CDH8: variants seen among roughly 807,000 people sequenced by gnomAD.
CDH8 encodes the protein cadherin-8.
Under a neutral mutation model 68.1 loss-of-function variants are expected in CDH8, and 17 were observed. The ratio of observed to expected loss-of-function variants is 0.25; its 90% CI spans 0.17 to 0.37. CDH8 has a LOEUF of 0.37. Ranked by LOEUF, CDH8 falls within the 10% of genes least tolerant of loss-of-function variation. The probability of loss-of-function intolerance (pLI) is 1.00; values close to 1 mark genes in which losing one functional copy is unlikely to be tolerated. For missense variants in CDH8, 763 were observed against 999.3 expected (o/e 0.76, Z 3.19); for synonymous variants, 372 against 365.1 (o/e 1.02, Z -0.21).
At chr16:61,845,520 A>C (rs887568667) in intron 4 of CDH8, among the ~76,000 whole-genome samples, 2 of 151,692 alleles carry the variant, frequency 1.3e-5, no homozygotes, top group South Asian at 2.1e-4. Flanking sequence ...AAAAAAAAAA[A>C]AACTATCTAA....
At chr16:61,762,171 C>A (rs1304376760) in intron 8 of CDH8, among the ~76,000 whole-genome samples, 1 of 152,114 alleles carries the variant, frequency 6.6e-6, no homozygotes, top group Non-Finnish European at 1.5e-5. Flanking sequence ...CATAAACTTA[C>A]ACATGTGGTA....
chr16:61,873,384 C>G (rs898146317), intron 3 of CDH8, among the ~76,000 whole-genome samples: 7 of 152,144 alleles, frequency 4.6e-5, no homozygotes, highest in African/African-American at 1.4e-4. Flanking sequence ...ACTTATGAAG[C>G]AGCACACCAT....
intron 2 of CDH8, among the ~76,000 whole-genome samples, chr16:61,996,141 C>T (rs1004071951): frequency 3.9e-5 from 6 of 152,212 alleles, no homozygotes; most frequent in Non-Finnish European, 8.8e-5. Flanking sequence ...ACTAGTGCCT[C>T]TTCTATTTCG....
intron 7 of CDH8, among the ~76,000 whole-genome samples, chr16:61,792,230 G>A (rs1211583057): frequency 6.6e-6 from 1 of 151,898 alleles, no homozygotes; most frequent in East Asian, 1.9e-4. Context: ...TGAGTCATAG[G>A]AATTTATAAA....
chr16:61,893,136 G>C (rs1338255552), intron 3 of CDH8, among the ~76,000 whole-genome samples: 1 of 152,034 alleles, frequency 6.6e-6, no homozygotes, highest in African/African-American at 2.4e-5. Flanking sequence ...GCTATGTGTG[G>C]CTCCTGGTTC....
chr16:61,810,946 C>A, intron 7 of CDH8, among the ~76,000 whole-genome samples: 1 of 150,728 alleles, frequency 6.6e-6, no homozygotes, highest in Admixed American at 6.6e-5. Flanking sequence ...ATTGCTTGAA[C>A]CCAAGAGGCT....
At chr16:61,909,972 AAAC>A (rs1964132309) in intron 2 of CDH8, among the ~76,000 whole-genome samples, 1 of 152,196 alleles carries the variant, frequency 6.6e-6, no homozygotes, top group African/African-American at 2.4e-5. Context: ...ACGGGTTTGG[AAAC>A]AACATGTGTC....
chr16:61,836,953 G>A (rs998673816), intron 4 of CDH8, among the ~76,000 whole-genome samples: 1 of 151,892 alleles, frequency 6.6e-6, no homozygotes, highest in Non-Finnish European at 1.5e-5. Flanking sequence ...ACTAACCCTG[G>A]ATAATCTTCT....
intron 2 of CDH8, among the ~76,000 whole-genome samples, chr16:61,990,667 T>C (rs1051768037): frequency 2.6e-5 from 4 of 151,968 alleles, no homozygotes; most frequent in Admixed American, 6.6e-5. Context: ...TTTTTAAAAA[T>C]TAAATAATTT....
intron 3 of CDH8, among the ~76,000 whole-genome samples, chr16:61,880,689 C>T (rs1426651194): frequency 6.6e-6 from 1 of 152,142 alleles, no homozygotes; most frequent in African/African-American, 2.4e-5. Flanking sequence ...GATGGAGATG[C>T]CATGTTCAAA....
intron 2 of CDH8, among the ~76,000 whole-genome samples, chr16:61,937,746 CA>C (rs1175945210): frequency 6.6e-6 from 1 of 152,136 alleles, no homozygotes; most frequent in African/African-American, 2.4e-5. Context: ...GTATAAACTT[CA>C]ATGTCTATGA....
intron 2 of CDH8, among the ~76,000 whole-genome samples, chr16:62,015,537 G>A (rs763139658): frequency 2.4e-4 from 37 of 152,076 alleles, no homozygotes; most frequent in Non-Finnish European, 3.1e-4. Flanking sequence ...CTTTGTAGTA[G>A]AATTAAAAGA....
intron 3 of CDH8, among the ~76,000 whole-genome samples, chr16:61,891,398 C>T (rs1963775000): frequency 6.6e-6 from 1 of 152,118 alleles, no homozygotes; most frequent in Non-Finnish European, 1.5e-5. Context: ...GTAGAAATAA[C>T]TCAATGCCTC....
At chr16:61,828,374 T>C (rs1962387786) in intron 4 of CDH8, among the ~76,000 whole-genome samples, 1 of 151,930 alleles carries the variant, frequency 6.6e-6, no homozygotes, top group African/African-American at 2.4e-5. Flanking sequence ...TTTATTCCTT[T>C]ACTTTCTTAA....
At chr16:61,966,599 G>C (rs1337717316) in intron 2 of CDH8, among the ~76,000 whole-genome samples, 1 of 152,016 alleles carries the variant, frequency 6.6e-6, no homozygotes, top group Non-Finnish European at 1.5e-5. Context: ...AACACACACA[G>C]AGTAGTTCCC....
At chr16:61,934,794 A>G (rs1398366617) in intron 2 of CDH8, among the ~76,000 whole-genome samples, 1 of 152,130 alleles carries the variant, frequency 6.6e-6, no homozygotes, top group East Asian at 1.9e-4. Flanking sequence ...TTCCATGACC[A>G]CAAGCACTAA....
In CDH8 at chr16:61,652,923, G is replaced by A; in HGVS notation, c.*685C>T. On this transcript the variant is annotated 3_prime_UTR_variant, in exon 12 of 12. Coordinates refer to ENST00000577390, the MANE Select transcript of CDH8 (RefSeq NM_001796.5). The stretch of plus-strand genomic sequence containing the variant: ...TCTAGAAAACAAGCATGTTTGAATG[G>A]GATTTCTCTCCTCCCACCACTGAAT... 3 of 1,526,334 alleles carry A rather than the reference G, an allele frequency of 2.0e-6. No homozygotes were observed. Among genetic ancestry groups the A allele is most frequent in the Admixed American group, 2.0e-5 (1 of 49,796 alleles). 94.5% of individuals were successfully genotyped at this position (1,526,334 alleles called of 1,614,324 possible). A position where few individuals can be genotyped will look rare whatever the true frequency, so the allele number is the denominator to read the frequency against.
At chr16:61,868,970 GAAAGA>G (rs968126083) in intron 3 of CDH8, among the ~76,000 whole-genome samples, 7 of 152,110 alleles carry the variant, frequency 4.6e-5, no homozygotes, top group Admixed American at 1.3e-4. Flanking sequence ...TGAGATAAGA[GAAAGA>G]AAAGAACTGA....
At chr16:62,001,342 G>A (rs1681559319) in intron 2 of CDH8, among the ~76,000 whole-genome samples, 1 of 152,120 alleles carries the variant, frequency 6.6e-6, no homozygotes, top group African/African-American at 2.4e-5. Context: ...GTGAAGAGAT[G>A]GATATTAGGA....
Sources: allele counts gnomAD v4.1 joint callset (sites outside exome capture counted in the v4.1 genomes callset), GRCh38; gene constraint gnomAD v4.1.1; transcripts MANE v1.5; gene names NCBI Gene and HGNC (gene_info 2026-07-23, HGNC 2026-07-21).